CCDC91: variants seen among roughly 807,000 people sequenced by gnomAD.
The protein encoded by CCDC91 is coiled-coil domain-containing protein 91.
In CCDC91, 48 loss-of-function variants were observed where a neutral mutation model predicts 63.2. The ratio of observed to expected loss-of-function variants is 0.76; its 90% confidence interval spans 0.60 to 0.97. The LOEUF (loss-of-function observed/expected upper bound fraction) is 0.97, where lower values mean the gene tolerates loss of function less well. CCDC91 is among the 50% of genes least tolerant of loss of function. The pLI, the probability that CCDC91 is intolerant of heterozygous loss-of-function variation, is 0.00. For synonymous variants in CCDC91, 167 were observed against 165.8 expected (o/e 1.01, Z -0.06); for missense variants, 500 against 494.6 (o/e 1.01, Z -0.10).
At chr12:28,264,585 C>CTGTGTGCGTG (rs1947059072) in intron 3 of CCDC91, among the ~76,000 whole-genome samples, 1 of 137,258 alleles carries the variant, frequency 7.3e-6, no homozygotes, top group Non-Finnish European at 1.5e-5. Flanking sequence ...ATATGTCTGT[C>CTGTGTGCGTG]TGTGTGTGTG....
intron 12 of CCDC91, among the ~76,000 whole-genome samples, chr12:28,493,180 TGA>T (rs1180261849): frequency 6.6e-6 from 1 of 151,622 alleles, no homozygotes; most frequent in East Asian, 1.9e-4. Context: ...TAAGGAAAAT[TGA>T]GAGTCAGTGA....
chr12:28,229,744 G>A (rs1378870920), intron 1 of CCDC91, among the ~76,000 whole-genome samples: 1 of 152,082 alleles, frequency 6.6e-6, no homozygotes, highest in Non-Finnish European at 1.5e-5. Flanking sequence ...GCTTGAGTCA[G>A]TTTCCTATCC....
At chr12:28,220,122 A>T (rs1468024726) in intron 1 of CCDC91, among the ~76,000 whole-genome samples, 1 of 152,032 alleles carries the variant, frequency 6.6e-6, no homozygotes, top group Admixed American at 6.6e-5. Context: ...TACATGGTTG[A>T]GTTTAAATAT....
intron 12 of CCDC91, among the ~76,000 whole-genome samples, chr12:28,547,462 C>T (rs1943069043): frequency 6.6e-6 from 1 of 152,034 alleles, no homozygotes; most frequent in Non-Finnish European, 1.5e-5. Context: ...ATATTTATTG[C>T]TTGTCTAACA....
chr12:28,366,692 C>G (rs1445026810), intron 7 of CCDC91, among the ~76,000 whole-genome samples: 3 of 152,078 alleles, frequency 2.0e-5, no homozygotes, highest in Non-Finnish European at 2.9e-5. Context: ...GTATTCCTCC[C>G]TTACTGTGTT....
intron 3 of CCDC91, among the ~76,000 whole-genome samples, chr12:28,289,601 T>C (rs1459209983): frequency 6.6e-6 from 1 of 151,990 alleles, no homozygotes; most frequent in Non-Finnish European, 1.5e-5. Context: ...TGTTTGATTG[T>C]GTGGTCAGTT....
intron 1 of CCDC91, among the ~76,000 whole-genome samples, chr12:28,242,896 C>A (rs1470949353): frequency 3.9e-5 from 6 of 152,074 alleles, no homozygotes; most frequent in African/African-American, 9.7e-5. Flanking sequence ...CGCCTGCCCC[C>A]CTCTTGCTCC....
intron 1 of CCDC91, among the ~76,000 whole-genome samples, chr12:28,222,341 C>T (rs765278432): frequency 6.6e-6 from 1 of 151,970 alleles, no homozygotes; most frequent in Non-Finnish European, 1.5e-5. Flanking sequence ...TGTGAGTAAG[C>T]TATTGGTGAT....
chr12:28,369,832 C>T (rs1353130715), intron 7 of CCDC91, among the ~76,000 whole-genome samples: 1 of 152,218 alleles, frequency 6.6e-6, no homozygotes, highest in East Asian at 1.9e-4. Flanking sequence ...CTTACACCCT[C>T]TGAGGCAATG....
At chr12:28,278,849 C>T (rs1018215653) in intron 3 of CCDC91, among the ~76,000 whole-genome samples, 1 of 151,912 alleles carries the variant, frequency 6.6e-6, no homozygotes, top group African/African-American at 2.4e-5. Flanking sequence ...TTTCAAGTAC[C>T]TGTTTCTTTA....
chr12:28,339,754 T>C (rs1318792186), intron 6 of CCDC91, among the ~76,000 whole-genome samples: 1 of 152,136 alleles, frequency 6.6e-6, no homozygotes, highest in East Asian at 1.9e-4. Context: ...CAGACAACTC[T>C]GGAGAAATTT....
intron 5 of CCDC91, among the ~76,000 whole-genome samples, chr12:28,307,322 A>G (rs1592264151): frequency 2.0e-5 from 3 of 151,978 alleles, no homozygotes; most frequent in African/African-American, 4.8e-5. Context: ...GTATACAGCC[A>G]TTTTAGTAAA....
chr12:28,366,411 A>G (rs554239473), intron 7 of CCDC91, among the ~76,000 whole-genome samples: 6 of 152,344 alleles, frequency 3.9e-5, no homozygotes, highest in African/African-American at 1.4e-4. Flanking sequence ...ACCTAGTAAG[A>G]CAGAAAACTA....
intron 8 of CCDC91, among the ~76,000 whole-genome samples, chr12:28,425,976 T>C (rs1948293032): frequency 6.6e-6 from 1 of 152,226 alleles, no homozygotes; most frequent in Non-Finnish European, 1.5e-5. Context: ...ATCGTGTTGC[T>C]GTATGTACGT....
intron 6 of CCDC91, among the ~76,000 whole-genome samples, chr12:28,347,296 C>T (rs1308439260): frequency 1.3e-5 from 2 of 152,174 alleles, no homozygotes; most frequent in Non-Finnish European, 2.9e-5. Flanking sequence ...ATCTCTTGCT[C>T]TGAGACTCTT....
At chr12:28,199,595 C>G (rs1942053282) in intron 1 of CCDC91, among the ~76,000 whole-genome samples, 1 of 152,130 alleles carries the variant, frequency 6.6e-6, no homozygotes, top group Admixed American at 6.5e-5. Context: ...TCAGTTCAGC[C>G]TGAGAGACCC....
At chr12:28,375,525 C>T (rs1050808432) in intron 7 of CCDC91, among the ~76,000 whole-genome samples, 2 of 151,832 alleles carry the variant, frequency 1.3e-5, no homozygotes, top group African/African-American at 2.4e-5. Flanking sequence ...ATGAAAAGGA[C>T]GTGAAATTTT....
chr12:28,331,147 C>T lies in CCDC91; in HGVS notation c.576+23398C>T, dbSNP rs563975054. On this transcript the variant is annotated intron_variant, in intron 6 of 12. Transcript: ENST00000536442. ...AAAAAGATTAGGAAATATTCTGAGG[C>T]AAAGACTCATTGATTTCCTTTTATA... 2.0e-5 allele frequency among the ~76,000 whole-genome samples: 3 copies of T among 152,276 alleles called. No individual in the cohort carries two copies. In the East Asian group the frequency reaches 5.8e-4, roughly 29 times the overall value.
chr12:28,477,128 A>G (rs532136473), intron 11 of CCDC91, among the ~76,000 whole-genome samples: 25 of 152,322 alleles, frequency 1.6e-4, no homozygotes, highest in South Asian at 4.1e-4. Flanking sequence ...TTATGAGGCC[A>G]GCATCATCCT....
Sources: allele counts gnomAD v4.1 joint callset (sites outside exome capture counted in the v4.1 genomes callset), GRCh38; gene constraint gnomAD v4.1.1; transcripts MANE v1.5; gene names NCBI Gene and HGNC (gene_info 2026-07-23, HGNC 2026-07-21).